Variants in KCNH8 observed in about 807,000 individuals in gnomAD.
KCNH8 encodes potassium voltage-gated channel subfamily H member 8.
Under a neutral mutation model 103.6 loss-of-function variants are expected in KCNH8, and 70 were observed. That is an observed-to-expected ratio of 0.68 (90% CI 0.56 to 0.82). The LOEUF is 0.82. Among genes scored for constraint, KCNH8 ranks in the 40% least tolerant of loss-of-function variants. The pLI, the probability that KCNH8 is intolerant of heterozygous loss-of-function variation, is 0.00. For missense variants in KCNH8, 1,217 were observed against 1,329.9 expected (o/e 0.92, Z 1.32); for synonymous variants, 498 against 489.4 (o/e 1.02, Z -0.23).
In KCNH8 at chr3:19,535,385, A is replaced by G. The variant is rs1160415936; in HGVS notation, c.*1286A>G. 6.6e-6 allele frequency: 1 copy of G among 152,164 alleles called. No homozygotes were observed. Among genetic ancestry groups the G allele is most frequent in the Non-Finnish European group, 1.5e-5 (1 of 68,022 alleles). The allele number at this position is 152,164 out of a possible 1,614,324, so 9.4% of individuals were successfully genotyped here. A position where few individuals can be genotyped will look rare whatever the true frequency, so the allele number is the denominator to read the frequency against. On this transcript the variant is annotated 3_prime_UTR_variant, in exon 16 of 16. Coordinates refer to ENST00000328405, the MANE Select transcript of KCNH8 (RefSeq NM_144633.3). ...ATAAATCTCAGGGGAAGCCTCAGAG[A>G]TTACACAGTTAGGATGCTGACACAG... is the stretch of plus-strand genomic sequence containing the variant.
rs116769562 is a variant in KCNH8 at position 19,474,152 on chromosome 3, T to C, written c.2040+17170T>C. Among the ~76,000 whole-genome samples, 437 of 152,304 alleles carry C rather than the reference T, an allele frequency of 2.9e-3. 4 individuals are homozygous for C. Among genetic ancestry groups the C allele is most frequent in the African/African-American group, 9.5e-3 (394 of 41,576 alleles). On this transcript the variant is annotated intron_variant, in intron 11 of 15. Coordinates refer to ENST00000328405, the MANE Select transcript of KCNH8 (RefSeq NM_144633.3). ...CTCAACTGTTAGATTTAGTGCATGG[T>C]ATGATTAAAACTGTCTACATGAGCT...
intron 5 of KCNH8, among the ~76,000 whole-genome samples, chr3:19,374,736 C>T (rs2066163693): frequency 6.6e-6 from 1 of 152,040 alleles, no homozygotes; most frequent in South Asian, 2.1e-4. Flanking sequence ...TTTGCAGTGG[C>T]TGGTACTAGT....
rs1326515502 is a variant in KCNH8, at chr3:19,534,941, A to G, written c.*842A>G. The G allele has an allele frequency of 2.0e-5, 3 of 152,210 alleles. No individual in the cohort carries two copies. The highest frequency in any genetic ancestry group is 4.4e-5 in the Non-Finnish European group (3 of 68,036). 9.4% of individuals were successfully genotyped at this position (152,210 alleles called of 1,614,324 possible). On this transcript the variant is annotated 3_prime_UTR_variant, in exon 16 of 16. Coordinates refer to ENST00000328405, the MANE Select transcript of KCNH8 (RefSeq NM_144633.3). ...GATTATAAAAGAAAAGTGAAGTCATATTTTGTTAATGAAATAAAAACATGG... is the reference window on the plus strand; with the variant it reads ...GATTATAAAAGAAAAGTGAAGTCATGTTTTGTTAATGAAATAAAAACATGG...
Position 19,239,980 on chromosome 3 carries a change from C to T in KCNH8, c.77-13674C>T, listed in dbSNP as rs2064117672. Among the ~76,000 whole-genome samples the T allele has an allele frequency of 5.3e-5, 8 of 152,024 alleles. No homozygotes were observed. The South Asian group carries it at 1.7e-3, about 32-fold the overall frequency. On this transcript the variant is annotated intron_variant, in intron 1 of 15. Coordinates refer to ENST00000328405, the MANE Select transcript of KCNH8 (RefSeq NM_144633.3). The stretch of plus-strand genomic sequence containing the variant: ...ATTCAGTATCACAACCAATGCCTTC[C>T]CCAGTGTTCGTGGACTCAAAACATG...
intron 5 of KCNH8, among the ~76,000 whole-genome samples, chr3:19,377,027 T>G (rs1260557607): frequency 6.6e-6 from 1 of 152,180 alleles, no homozygotes; most frequent in Non-Finnish European, 1.5e-5. Flanking sequence ...TGTCCTTTAT[T>G]GTGTATAAGT....
At chr3:19,440,836 C>G (rs2067272547) in intron 8 of KCNH8, among the ~76,000 whole-genome samples, 1 of 152,144 alleles carries the variant, frequency 6.6e-6, no homozygotes, top group African/African-American at 2.4e-5. Flanking sequence ...ATTTTTAAAG[C>G]AAATCTTTGG....
intron 3 of KCNH8, among the ~76,000 whole-genome samples, chr3:19,296,897 T>G (rs767651668): frequency 5.9e-5 from 9 of 152,070 alleles, no homozygotes; most frequent in Non-Finnish European, 1.2e-4. Context: ...GAACAACTTC[T>G]ACTAACTACA....
At chr3:19,504,972 T>C (rs1269235006) in intron 11 of KCNH8, among the ~76,000 whole-genome samples, 1 of 151,118 alleles carries the variant, frequency 6.6e-6, no homozygotes, top group African/African-American at 2.4e-5. Context: ...GTGAGATATA[T>C]ATATATATAT....
At chr3:19,307,661 C>CA (rs1232692359) in intron 3 of KCNH8, among the ~76,000 whole-genome samples, 1 of 151,890 alleles carries the variant, frequency 6.6e-6, no homozygotes, top group Non-Finnish European at 1.5e-5. Context: ...TGTCTAAAAA[C>CA]AGATGCATGA....
chr3:19,302,997 A>G (rs1441586161), intron 3 of KCNH8, among the ~76,000 whole-genome samples: 1 of 152,150 alleles, frequency 6.6e-6, no homozygotes, highest in Non-Finnish European at 1.5e-5. Flanking sequence ...ATATCATCTT[A>G]TGATTGCAAA....
chr3:19,416,696 G>A (rs752326696), intron 7 of KCNH8, among the ~76,000 whole-genome samples: 28 of 152,090 alleles, frequency 1.8e-4, no homozygotes, highest in Non-Finnish European at 3.5e-4. Flanking sequence ...TTATGTCTTT[G>A]CTTCTCTCAA....
intron 7 of KCNH8, among the ~76,000 whole-genome samples, chr3:19,432,002 C>G (rs1207507001): frequency 7.8e-5 from 10 of 128,170 alleles, no homozygotes; most frequent in Non-Finnish European, 1.3e-4. Flanking sequence ...TCCTTCAGTT[C>G]GCCTCTGATT....
At position 19,438,369 on chromosome 3, in the gene KCNH8, A is replaced by G; in HGVS notation, c.1375+8A>G. On this transcript the variant is annotated splice_region_variant and intron_variant, in intron 8 of 15. Transcript: ENST00000328405. Reference sequence around the variant, plus strand: ...GCACCATGCTGATTGGTGGTAAGAGAGCATCTTCTTTTATACTAAGAAGAG... The same window carrying G: ...GCACCATGCTGATTGGTGGTAAGAGGGCATCTTCTTTTATACTAAGAAGAG... The G allele has an allele frequency of 6.2e-7, 1 of 1,610,386 alleles. No homozygotes were observed. Among genetic ancestry groups the G allele is most frequent in the Non-Finnish European group, 8.5e-7 (1 of 1,177,722 alleles).
chr3:19,220,706 C>T (rs962967323), intron 1 of KCNH8, among the ~76,000 whole-genome samples: 2 of 152,114 alleles, frequency 1.3e-5, no homozygotes, highest in African/African-American at 4.8e-5. Context: ...ATCCCTCAAT[C>T]CACAGGTAAT....
At position 19,500,244 on chromosome 3, in the gene KCNH8, A is replaced by AAT. The variant is rs753858667; in HGVS notation, c.2041-10112_2041-10111dup. On this transcript the variant is annotated intron_variant, in intron 11 of 15. Coordinates refer to ENST00000328405, the MANE Select transcript of KCNH8 (RefSeq NM_144633.3). ...AATTCAACAAGAGCTAACTATCCTA[A>AAT]ATATATATGCACCCAATACAAGAGC... is the stretch of plus-strand genomic sequence containing the variant. 9.2e-4 allele frequency among the ~76,000 whole-genome samples: 140 copies of AAT among 152,304 alleles called. 1 individual carries two copies. Among genetic ancestry groups the AAT allele is most frequent in the Middle Eastern group, 3.4e-3 (1 of 294 alleles).
intron 3 of KCNH8, among the ~76,000 whole-genome samples, chr3:19,302,063 C>T (rs779397165): frequency 3.3e-5 from 5 of 152,046 alleles, no homozygotes; most frequent in Non-Finnish European, 5.9e-5. Flanking sequence ...ATGGCGGTTC[C>T]GTTATGTAAC....
chr3:19,352,063 C>CA (rs992757140), intron 5 of KCNH8, among the ~76,000 whole-genome samples: 1 of 151,064 alleles, frequency 6.6e-6, no homozygotes, highest in East Asian at 1.9e-4. Context: ...AAATGGAAAA[C>CA]AAAAAAAAGC....
intron 11 of KCNH8, among the ~76,000 whole-genome samples, chr3:19,468,296 A>C (rs1265713499): frequency 1.3e-5 from 2 of 152,238 alleles, no homozygotes; most frequent in African/African-American, 4.8e-5. Context: ...AACAAATGTC[A>C]ATAAGTTTAC....
chr3:19,252,132 C>T (rs59881912), intron 1 of KCNH8, among the ~76,000 whole-genome samples: 8,828 of 152,174 alleles, frequency 0.058, 859 homozygotes, highest in African/African-American at 0.2. Context: ...CCCACCAACA[C>T]ATTTTTTGAA....
Sources: allele counts gnomAD v4.1 joint callset (sites outside exome capture counted in the v4.1 genomes callset), GRCh38; gene constraint gnomAD v4.1.1; transcripts MANE v1.5; gene names NCBI Gene and HGNC (gene_info 2026-07-23, HGNC 2026-07-21).